Variants in BBX observed in about 807,000 individuals in gnomAD.
BBX encodes the protein BBX high mobility group box domain containing.
A neutral mutation model predicts 100.2 loss-of-function variants in BBX; 30 were observed. The observed-to-expected ratio is 0.30, with a 90% confidence interval of 0.22 to 0.41. The LOEUF (loss-of-function observed/expected upper bound fraction) is 0.41, where lower values mean the gene tolerates loss of function less well. Ranked by LOEUF, BBX falls within the 10% of genes least tolerant of loss-of-function variation. The pLI is 1.00. For synonymous variants in BBX, 376 were observed against 388.1 expected (o/e 0.97, Z 0.37); for missense variants, 1,023 against 1,129.8 (o/e 0.91, Z 1.35).
At chr3:107,797,364 A>ATATATATATATATATATATATATGTG in intron 15 of BBX, among the ~76,000 whole-genome samples, 1 of 109,838 alleles carries the variant, frequency 9.1e-6, no homozygotes, top group Non-Finnish European at 1.9e-5. Context: ...ATATATATAT[A>ATATATATATATATATATATATATGTG]GCTTTATTGC....
chr3:107,551,668 T>C (rs1458292831), intron 2 of BBX, among the ~76,000 whole-genome samples: 1 of 152,236 alleles, frequency 6.6e-6, no homozygotes, highest in Non-Finnish European at 1.5e-5. Flanking sequence ...GTTTTTACAC[T>C]GATGTGAGTA....
chr3:107,733,501 A>G (rs879674440), intron 7 of BBX, among the ~76,000 whole-genome samples: 4 of 151,134 alleles, frequency 2.6e-5, no homozygotes, highest in Admixed American at 2.6e-4. Context: ...CTTCTTTCCC[A>G]CCCCCCCTTG....
At chr3:107,799,090 C>T (rs747957465) in intron 16 of BBX, among the ~76,000 whole-genome samples, 1 of 151,224 alleles carries the variant, frequency 6.6e-6, no homozygotes, top group Non-Finnish European at 1.5e-5. Context: ...TCGGAGGTTG[C>T]AGTGAGCCGA....
intron 2 of BBX, among the ~76,000 whole-genome samples, chr3:107,612,221 C>T (rs9856715): frequency 0.13 from 19,605 of 152,080 alleles, 1,447 homozygotes; most frequent in Middle Eastern, 0.2. Flanking sequence ...TCTGTCTCTC[C>T]GTGCTTGGCC....
At chr3:107,778,790 G>A (rs900150382) in intron 13 of BBX, among the ~76,000 whole-genome samples, 5 of 151,632 alleles carry the variant, frequency 3.3e-5, no homozygotes, top group Admixed American at 2.0e-4. Flanking sequence ...TCAACCTCCT[G>A]CTCTCCAGAA....
chr3:107,748,913 G>A (rs1268768031), intron 9 of BBX, among the ~76,000 whole-genome samples: 2 of 151,726 alleles, frequency 1.3e-5, no homozygotes, highest in African/African-American at 4.8e-5. Flanking sequence ...CTGCATAAAT[G>A]GAATATAAAA....
At chr3:107,641,476 C>T (rs900823796) in intron 2 of BBX, among the ~76,000 whole-genome samples, 2 of 152,248 alleles carry the variant, frequency 1.3e-5, no homozygotes, top group Admixed American at 1.3e-4. Flanking sequence ...TTATAAAGGG[C>T]CCATCTGAAC....
chr3:107,728,757 A>G lies in BBX; in HGVS notation c.406-8A>G, dbSNP rs372348638. 2 of 1,596,066 alleles carry G rather than the reference A, an allele frequency of 1.3e-6. No individual in the cohort carries two copies. The highest frequency in any genetic ancestry group is 1.7e-6 in the Non-Finnish European group (2 of 1,172,950). On this transcript the variant is annotated splice_polypyrimidine_tract_variant and splice_region_variant and intron_variant, in intron 5 of 17. Coordinates refer to ENST00000325805, the MANE Select transcript of BBX (RefSeq NM_001142568.3). ...ATTAAAATCTGCTGTCTGTCGTTTTATTTATAGTATAAGGATGCATTTATG... is the reference window on the plus strand; with the variant it reads ...ATTAAAATCTGCTGTCTGTCGTTTTGTTTATAGTATAAGGATGCATTTATG...
intron 2 of BBX, among the ~76,000 whole-genome samples, chr3:107,625,188 T>G (rs1035564241): frequency 6.6e-6 from 1 of 152,236 alleles, no homozygotes; most frequent in African/African-American, 2.4e-5. Flanking sequence ...TCTGTAATTT[T>G]ATACTTTTAT....
At chr3:107,579,321 T>C (rs1034130863) in intron 2 of BBX, among the ~76,000 whole-genome samples, 2 of 152,196 alleles carry the variant, frequency 1.3e-5, no homozygotes, top group African/African-American at 4.8e-5. Flanking sequence ...CCTGGAACAG[T>C]TGGGTCTTTC....
intron 7 of BBX, among the ~76,000 whole-genome samples, chr3:107,741,439 G>A (rs2064101162): frequency 6.6e-6 from 1 of 152,126 alleles, no homozygotes; most frequent in African/African-American, 2.4e-5. Context: ...AAATGAATAT[G>A]TACTTAACAA....
intron 3 of BBX, among the ~76,000 whole-genome samples, chr3:107,649,103 C>T (rs2057689974): frequency 1.3e-5 from 2 of 152,148 alleles, no homozygotes; most frequent in Non-Finnish European, 2.9e-5. Context: ...CAGGAGAGCA[C>T]GTGCACGGGG....
chr3:107,683,211 T>A (rs1474581632), intron 3 of BBX, among the ~76,000 whole-genome samples: 1 of 152,140 alleles, frequency 6.6e-6, no homozygotes, highest in African/African-American at 2.4e-5. Flanking sequence ...TATTGATTGA[T>A]TTTGCCATCA....
At chr3:107,607,731 T>A (rs1420474253) in intron 2 of BBX, among the ~76,000 whole-genome samples, 1 of 152,198 alleles carries the variant, frequency 6.6e-6, no homozygotes, top group Admixed American at 6.5e-5. Context: ...TGCTGTTGCC[T>A]GTCTTGGATA....
intron 3 of BBX, among the ~76,000 whole-genome samples, chr3:107,691,011 A>T (rs966891331): frequency 1.2e-4 from 17 of 144,066 alleles, no homozygotes; most frequent in African/African-American, 4.4e-4. Context: ...GGCTCAGGGG[A>T]TTCTCCCACC....
intron 3 of BBX, among the ~76,000 whole-genome samples, chr3:107,690,713 G>A (rs1372549782): frequency 1.3e-5 from 2 of 151,792 alleles, no homozygotes; most frequent in African/African-American, 2.4e-5. Context: ...CCAGCAGAGG[G>A]AGCAGACTTA....
intron 6 of BBX, among the ~76,000 whole-genome samples, chr3:107,731,663 C>G (rs144029101): frequency 6.6e-6 from 1 of 152,022 alleles, no homozygotes; most frequent in Admixed American, 6.6e-5. Flanking sequence ...ATAACCTCTT[C>G]CCCCAACCCC....
chr3:107,584,007 T>C (rs1190755741), intron 2 of BBX, among the ~76,000 whole-genome samples: 1 of 77,298 alleles, frequency 1.3e-5, no homozygotes, highest in South Asian at 3.2e-4. Flanking sequence ...TATTATTATA[T>C]ATATTATACA....
chr3:107,756,416 A>G (rs974281644), intron 10 of BBX, among the ~76,000 whole-genome samples: 1 of 152,134 alleles, frequency 6.6e-6, no homozygotes. Flanking sequence ...GAAAGTGGAT[A>G]ACCAAAAATC....
Sources: gnomAD v4.1 joint callset for allele counts (sites outside exome capture counted in the v4.1 genomes callset) on GRCh38, gnomAD v4.1.1 for gene constraint, MANE v1.5 for transcripts, NCBI Gene and HGNC (gene_info 2026-07-23, HGNC 2026-07-21) for gene names.